HHAT: variants seen among roughly 807,000 people sequenced by gnomAD.
HHAT encodes the protein protein-cysteine N-palmitoyltransferase HHAT.
HHAT carries 47 observed loss-of-function variants against 70.8 expected under a neutral mutation model. The observed-to-expected ratio is 0.66, with a 90% confidence interval of 0.53 to 0.85. The LOEUF is 0.85. HHAT is among the 40% of genes least tolerant of loss of function. HHAT has a pLI of 0.00. For synonymous variants in HHAT, 228 were observed against 247.6 expected (o/e 0.92, Z 0.74); for missense variants, 609 against 604.8 (o/e 1.01, Z -0.07).
At chr1:210,354,182 C>A (rs901625322) in intron 2 of HHAT, among the ~76,000 whole-genome samples, 5 of 140,314 alleles carry the variant, frequency 3.6e-5, no homozygotes, top group Admixed American at 1.5e-4. Context: ...AAATAGATAA[C>A]TAAACATAAT....
intron 9 of HHAT, among the ~76,000 whole-genome samples, chr1:210,517,676 A>T (rs901415579): frequency 6.6e-6 from 1 of 152,318 alleles, no homozygotes; most frequent in East Asian, 1.9e-4. Flanking sequence ...AAAATTGCTA[A>T]GACAGGAGAT....
intron 8 of HHAT, among the ~76,000 whole-genome samples, chr1:210,512,529 A>AGGCG: frequency 6.6e-6 from 1 of 152,018 alleles, no homozygotes; most frequent in South Asian, 2.1e-4. Flanking sequence ...AATATTAGCC[A>AGGCG]GGCGTGGTGA....
In HHAT at chr1:210,483,488, G is replaced by T. The variant is rs554725837; in HGVS notation, c.1007+18833G>T. Among the ~76,000 whole-genome samples the T allele has an allele frequency of 4.6e-5, 7 of 152,268 alleles. No individual in the cohort carries two copies. In the East Asian group the frequency reaches 1.4e-3, roughly 29 times the overall value. On this transcript the variant is annotated intron_variant, in intron 8 of 11. Coordinates refer to ENST00000261458, the MANE Select transcript of HHAT (RefSeq NM_018194.6). ...TGGGGCCCTTGGTATCTTGTCATTG[G>T]AAGGCAGGGGAGAGGTCTGATCTAG...
chr1:210,565,609 A>G (rs1654534489), intron 9 of HHAT, among the ~76,000 whole-genome samples: 1 of 152,098 alleles, frequency 6.6e-6, no homozygotes, highest in Admixed American at 6.6e-5. Flanking sequence ...ACAGTGAGAG[A>G]GTTTGGAATC....
chr1:210,576,311 T>G (rs528006916), intron 9 of HHAT, among the ~76,000 whole-genome samples: 1 of 152,182 alleles, frequency 6.6e-6, no homozygotes, highest in African/African-American at 2.4e-5. Flanking sequence ...ACACAAAAAC[T>G]GCACATATTA....
intron 8 of HHAT, among the ~76,000 whole-genome samples, chr1:210,498,146 C>T (rs2094686269): frequency 6.6e-6 from 1 of 152,064 alleles, no homozygotes. Flanking sequence ...GCATTTGGCT[C>T]ATGGGAGAAG....
At chr1:210,582,506 G>A (rs1558210150) in intron 9 of HHAT, among the ~76,000 whole-genome samples, 1 of 152,128 alleles carries the variant, frequency 6.6e-6, no homozygotes, top group Non-Finnish European at 1.5e-5. Flanking sequence ...AGCAAGCCAA[G>A]GAGCTATTGT....
rs184110380 is a variant in HHAT, at chr1:210,450,898, C to T, written c.857-13607C>T. On this transcript the variant is annotated intron_variant, in intron 7 of 11. Coordinates refer to ENST00000261458, the MANE Select transcript of HHAT (RefSeq NM_018194.6). ...GAGATCGAGACCATCCTGGCTAACA[C>T]GGTGAAACCCCGTCTCTACTAAAAA... Among the ~76,000 whole-genome samples, 1,192 of 151,808 alleles carry T rather than the reference C, an allele frequency of 7.9e-3. 18 individuals carry two copies. Among genetic ancestry groups the T allele is most frequent in the African/African-American group, 0.026 (1,089 of 41,398 alleles).
At chr1:210,654,208 G>A (rs796545862) in intron 11 of HHAT, among the ~76,000 whole-genome samples, 15 of 10,024 alleles carry the variant, frequency 1.5e-3, no homozygotes, top group Non-Finnish European at 5.9e-4. Context: ...GATGGGAGTA[G>A]TGTGACAGTG....
intron 4 of HHAT, among the ~76,000 whole-genome samples, chr1:210,393,299 C>CT (rs35355540): frequency 1.4e-3 from 218 of 152,278 alleles, no homozygotes; most frequent in Non-Finnish European, 2.4e-3. Context: ...AGGTGACGGT[C>CT]TTGAGATTCC....
rs1228650291 is a variant in HHAT, at chr1:210,365,325, T to TTTTTTG, written c.159+2411_159+2412insGTTTTT. On this transcript the variant is annotated intron_variant, in intron 3 of 11. Coordinates refer to ENST00000261458, the MANE Select transcript of HHAT (RefSeq NM_018194.6). ...CTGCTGACAGTTTTTTTTTTTTTTT[T>TTTTTTG]TTTTTTTTTGAGACGGAGTCTCCCT... 4.2e-4 allele frequency among the ~76,000 whole-genome samples: 58 copies of TTTTTTG among 137,820 alleles called. 1 individual carries two copies. The highest frequency in any genetic ancestry group is 7.5e-4 in the Non-Finnish European group (48 of 64,408). 90.4% of individuals were successfully genotyped at this position (137,820 alleles called of 152,430 possible).
At position 210,365,005 on chromosome 1, in the gene HHAT, T is replaced by C. The variant is rs141050147; in HGVS notation, c.159+2086T>C. Among the ~76,000 whole-genome samples, 174 of 152,244 alleles carry C rather than the reference T, an allele frequency of 1.1e-3. No homozygotes were observed. In the Middle Eastern group the frequency reaches 0.017, roughly 15 times the overall value. On this transcript the variant is annotated intron_variant, in intron 3 of 11. Coordinates refer to ENST00000261458, the MANE Select transcript of HHAT (RefSeq NM_018194.6). ...CTCATCTCTCTACTTCTCATCACCT[T>C]GCATGTGGGGTGGGTGGTTTGGAGC...
intron 8 of HHAT, among the ~76,000 whole-genome samples, chr1:210,494,418 C>G (rs1452544938): frequency 1.3e-5 from 2 of 151,920 alleles, no homozygotes; most frequent in Non-Finnish European, 2.9e-5. Flanking sequence ...GTTACAGAGT[C>G]AAATATGACT....
At chr1:210,375,796 T>C (rs2148090521) in intron 3 of HHAT, among the ~76,000 whole-genome samples, 1 of 152,064 alleles carries the variant, frequency 6.6e-6, no homozygotes. Context: ...CTGTATTTTT[T>C]CAGTCAGTTT....
intron 2 of HHAT, among the ~76,000 whole-genome samples, chr1:210,360,083 T>C (rs1396872869): frequency 6.6e-6 from 1 of 152,196 alleles, no homozygotes; most frequent in Non-Finnish European, 1.5e-5. Context: ...TTACTGCAGC[T>C]TGTGGAAAGA....
intron 10 of HHAT, among the ~76,000 whole-genome samples, chr1:210,621,076 T>G (rs1668722247): frequency 1.3e-5 from 2 of 152,164 alleles, no homozygotes; most frequent in Non-Finnish European, 2.9e-5. Context: ...CTCCTCCTCC[T>G]GCTGTGTCCA....
In HHAT at chr1:210,473,091, G is replaced by A. The variant is rs185039593; in HGVS notation, c.1007+8436G>A. On this transcript the variant is annotated intron_variant, in intron 8 of 11. Transcript: ENST00000261458. The stretch of plus-strand genomic sequence containing the variant: ...AGAAAAGGACCTGGAAAGGGAAGGG[G>A]ATTCTCTACAGAATGTAAATTTCCC... 7.9e-5 allele frequency among the ~76,000 whole-genome samples: 12 copies of A among 152,288 alleles called. No individual in the cohort carries two copies. The East Asian group carries it at 1.4e-3, about 17-fold the overall frequency.
rs941926323 is a variant in HHAT, at chr1:210,429,323, T to C, written c.856+10998T>C. Among the ~76,000 whole-genome samples, 14 of 151,944 alleles carry C rather than the reference T, an allele frequency of 9.2e-5. 1 individual carries two copies. The highest frequency in any genetic ancestry group is 1.3e-4 in the Non-Finnish European group (9 of 68,024). ...ACATTTTCCTAGTTGTCTCCAAATA[T>C]ATTTTAAAGCTATTTTGTCAACCCA... On this transcript the variant is annotated intron_variant, in intron 7 of 11. Transcript: ENST00000261458.
intron 10 of HHAT, among the ~76,000 whole-genome samples, chr1:210,604,535 G>A (rs1053506184): frequency 5.3e-5 from 8 of 152,190 alleles, no homozygotes; most frequent in Admixed American, 4.6e-4. Context: ...AATAATTGTG[G>A]TGGTTAACTC....
Sources: allele counts gnomAD v4.1 joint callset (sites outside exome capture counted in the v4.1 genomes callset), GRCh38; gene constraint gnomAD v4.1.1; transcripts MANE v1.5; gene names NCBI Gene and HGNC (gene_info 2026-07-23, HGNC 2026-07-21).